RBM26: variants seen among roughly 807,000 people sequenced by gnomAD.
The protein encoded by RBM26 is RNA binding motif protein 26, also known as RNA-binding protein 26.
In RBM26, 30 loss-of-function variants were observed where a neutral mutation model predicts 123.6. The observed-to-expected ratio is 0.24, with a 90% CI of 0.18 to 0.33. The LOEUF (loss-of-function observed/expected upper bound fraction) is 0.33. Among genes scored for constraint, RBM26 ranks in the 10% least tolerant of loss-of-function variants. RBM26 has a pLI of 1.00. For synonymous variants in RBM26, 400 were observed against 404.4 expected (o/e 0.99, Z 0.13); for missense variants, 947 against 1,203.6 (o/e 0.79, Z 3.15).
intron 1 of RBM26, among the ~76,000 whole-genome samples, chr13:79,382,442 G>C (rs2077137796): frequency 2.6e-5 from 4 of 152,086 alleles, no homozygotes; most frequent in Non-Finnish European, 5.9e-5. Context: ...GGGAAAAAAA[G>C]AATCAAGTTT....
At chr13:79,341,030 T>C in intron 18 of RBM26, 93 bp downstream of exon 18, 1 of 659,988 alleles carries the variant, frequency 1.5e-6, no homozygotes, top group Non-Finnish European at 2.5e-6. Flanking sequence ...CAATTACTAA[T>C]GAGAATGAAG....
At chr13:79,375,080 A>T (rs2076530359) in intron 3 of RBM26, among the ~76,000 whole-genome samples, 1 of 22,688 alleles carries the variant, frequency 4.4e-5, no homozygotes, top group East Asian at 1.0e-3. Context: ...TTTATATGAT[A>T]TATATAAATA....
rs185379998 is a variant in RBM26 at position 79,396,318 on chromosome 13, A to C, written c.71+9386T>G. Among the ~76,000 whole-genome samples, 698 of 151,638 alleles carry C rather than the reference A, an allele frequency of 4.6e-3. 1 individual carries two copies. The highest frequency in any genetic ancestry group is 8.2e-3 in the Non-Finnish European group (560 of 68,020). On this transcript the variant is annotated intron_variant, in intron 1 of 21. Transcript: ENST00000438737. ...ATAAAACACTGAAATAGAAAATAGA[A>C]AAAAAAGTTAACATTGTTCTTTAAT...
In RBM26 at chr13:79,405,813, C is replaced by A. The variant is rs1475227759; in HGVS notation, c.-39G>T. The A allele has an allele frequency of 7.2e-7, 1 of 1,382,818 alleles. No homozygotes were observed. Among genetic ancestry groups the A allele is most frequent in the Admixed American group, 2.1e-5 (1 of 48,124 alleles). 85.7% of individuals were successfully genotyped at this position (1,382,818 alleles called of 1,614,324 possible). On this transcript the variant is annotated 5_prime_UTR_variant, in exon 1 of 22. Coordinates refer to ENST00000438737, the MANE Select transcript of RBM26 (RefSeq NM_001366735.2). Reference sequence around the variant, plus strand: ...AAGGCCCGTCACACTCCTCCGCCCGCCCAGGTCGCGGCCGCTACAGCCGCC... The same window carrying A: ...AAGGCCCGTCACACTCCTCCGCCCGACCAGGTCGCGGCCGCTACAGCCGCC...
chr13:79,389,025 T>G, intron 1 of RBM26, among the ~76,000 whole-genome samples: 1 of 152,318 alleles, frequency 6.6e-6, no homozygotes, highest in Non-Finnish European at 1.5e-5. Flanking sequence ...CATTTATAAG[T>G]GACTTCATTT....
At position 79,353,163 on chromosome 13, in the gene RBM26, G is replaced by A; in HGVS notation, c.2048C>T (p.Ala683Val). ...TGCTATTCTTCTTACCTTTTCAGTT[G>A]CTGAAACAGATGGCTTTGATACAAA... ...LGFVSKPSVS[A>V]TEKVLSTSTG... is the part of the protein sequence containing the mutation. Residue 683 changes from alanine to valine, a missense_variant, in exon 14 of 22, where the codon GCA (alanine) becomes GTA (valine). Ala to Val is a moderately conservative substitution (Grantham distance 64). This residue lies in a region of RBM26 where 493 missense variants were observed against 563.1 expected (regional missense o/e 0.88). Coordinates refer to ENST00000438737, the MANE Select transcript of RBM26 (RefSeq NM_001366735.2). The A allele has an allele frequency of 6.3e-7, 1 of 1,586,676 alleles. No individual in the cohort carries two copies. Among genetic ancestry groups the A allele is most frequent in the Non-Finnish European group, 8.6e-7 (1 of 1,164,108 alleles).
At chr13:79,344,542 T>C (rs2071973273) in intron 15 of RBM26, 127 bp downstream of exon 15, 2 of 920,240 alleles carry the variant, frequency 2.2e-6, no homozygotes, top group African/African-American at 1.7e-5. Flanking sequence ...CTATGGAAAA[T>C]AAACGTTCAG....
chr13:79,325,601 T>A (rs1400026677), intron 20 of RBM26, among the ~76,000 whole-genome samples: 1 of 152,188 alleles, frequency 6.6e-6, no homozygotes, highest in Non-Finnish European at 1.5e-5. Flanking sequence ...GTCTGTTTTA[T>A]GCTAAGTGGC....
chr13:79,360,615 A>T (rs2074566372), intron 9 of RBM26, among the ~76,000 whole-genome samples: 1 of 152,164 alleles, frequency 6.6e-6, no homozygotes, highest in South Asian at 2.1e-4. Flanking sequence ...ATAATCTTTG[A>T]GAAGTGAAAG....
intron 9 of RBM26, 80 bp downstream of exon 9, chr13:79,365,498 C>T: frequency 6.9e-6 from 8 of 1,154,822 alleles, no homozygotes; most frequent in Non-Finnish European, 1.3e-6. Flanking sequence ...CCAATAAAGG[C>T]AAGACCAACT....
intron 13 of RBM26, among the ~76,000 whole-genome samples, chr13:79,353,886 G>A (rs1368543764): frequency 6.6e-6 from 1 of 152,170 alleles, no homozygotes; most frequent in African/African-American, 2.4e-5. Context: ...AAGTGTTGAA[G>A]GAAGTGGGAA....
At chr13:79,369,091 AT>A in intron 5 of RBM26, 101 bp from the exon 6 acceptor site, 3 of 695,372 alleles carry the variant, frequency 4.3e-6, no homozygotes, top group Non-Finnish European at 6.4e-6. Context: ...TAGAAAAAAA[AT>A]TTTAAATTTT....
intron 20 of RBM26, among the ~76,000 whole-genome samples, chr13:79,331,224 G>A (rs549467278): frequency 2.6e-5 from 4 of 152,034 alleles, no homozygotes; most frequent in African/African-American, 9.6e-5. Flanking sequence ...GGCTGGTCTC[G>A]AACTCCTGGA....
chr13:79,333,873 T>C (rs923926493), intron 20 of RBM26, among the ~76,000 whole-genome samples: 4 of 152,180 alleles, frequency 2.6e-5, no homozygotes, highest in Non-Finnish European at 4.4e-5. Context: ...GTTGGGGCTA[T>C]GCTGAACTAG....
chr13:79,314,852 T>G (rs1242389288), downstream of RBM26: 1 of 540,456 alleles, frequency 1.9e-6, no homozygotes, highest in Non-Finnish European at 3.1e-6. Context: ...CTAATTATAG[T>G]ACATGTAAAC....
intron 21 of RBM26, among the ~76,000 whole-genome samples, chr13:79,321,714 T>A (rs2067690243): frequency 6.6e-6 from 1 of 151,390 alleles, no homozygotes. Context: ...TTTTACTGCT[T>A]AGGGCCCAGT....
At chr13:79,394,804 T>C (rs1461608932) in intron 1 of RBM26, among the ~76,000 whole-genome samples, 1 of 152,158 alleles carries the variant, frequency 6.6e-6, no homozygotes, top group African/African-American at 2.4e-5. Context: ...CGGCTAATTT[T>C]TGTACTTTTA....
chr13:79,362,174 A>C (rs1024653751), intron 9 of RBM26, among the ~76,000 whole-genome samples: 4 of 152,146 alleles, frequency 2.6e-5, no homozygotes, highest in South Asian at 2.1e-4. Context: ...AACACTTTCA[A>C]AACTAAATTT....
In RBM26 at chr13:79,386,222, T is replaced by C. The variant is rs185663741; in HGVS notation, c.72-7315A>G. On this transcript the variant is annotated intron_variant, in intron 1 of 21. Coordinates refer to ENST00000438737, the MANE Select transcript of RBM26 (RefSeq NM_001366735.2). ...AATAGAAGACAGGCCGATTCTTACA[T>C]CTGTTTTTACATTCAGTCTGTTATG... 3.7e-4 allele frequency among the ~76,000 whole-genome samples: 56 copies of C among 152,204 alleles called. No individual in the cohort carries two copies. The South Asian group carries it at 8.1e-3, about 22-fold the overall frequency.
Sources: gnomAD v4.1 joint callset for allele counts (sites outside exome capture counted in the v4.1 genomes callset) on GRCh38, gnomAD v4.1.1 for gene constraint, gnomAD v4.1.1 regional missense constraint, MANE v1.5 for transcripts, NCBI Gene and HGNC (gene_info 2026-07-23, HGNC 2026-07-21) for gene names.